The following WDFY2 variants were observed in gnomAD, a reference collection of about 807,000 sequenced individuals.
The protein encoded by WDFY2 is WD repeat and FYVE domain containing 2.
A neutral mutation model predicts 56.4 loss-of-function variants in WDFY2; 36 were observed. That is an observed-to-expected ratio of 0.64 (90% CI 0.49 to 0.84). The LOEUF (loss-of-function observed/expected upper bound fraction) is 0.84. Among genes scored for constraint, WDFY2 ranks in the 40% least tolerant of loss-of-function variants. WDFY2 has a pLI of 0.00. For missense variants in WDFY2, 444 were observed against 512.2 expected (o/e 0.87, Z 1.29); for synonymous variants, 176 against 183.7 (o/e 0.96, Z 0.34).
At chr13:51,749,455 A>G (rs1953177438) in intron 7 of WDFY2, among the ~76,000 whole-genome samples, 1 of 152,188 alleles carries the variant, frequency 6.6e-6, no homozygotes, top group Non-Finnish European at 1.5e-5. Flanking sequence ...ATAATAATTA[A>G]CCAGAGAAAC....
chr13:51,679,597 G>A (rs987101607), intron 3 of WDFY2, among the ~76,000 whole-genome samples: 2 of 152,222 alleles, frequency 1.3e-5, no homozygotes, highest in African/African-American at 4.8e-5. Context: ...GGTAGTTCTT[G>A]TGATTGTGAT....
intron 3 of WDFY2, among the ~76,000 whole-genome samples, chr13:51,697,822 A>G (rs1951907175): frequency 6.6e-6 from 1 of 152,232 alleles, no homozygotes; most frequent in Admixed American, 6.5e-5. Flanking sequence ...TAGTACTACT[A>G]TTCCAATTGT....
Position 51,754,159 on chromosome 13 carries a change from C to T in WDFY2, c.832-1199C>T, listed in dbSNP as rs573749048. On this transcript the variant is annotated intron_variant, in intron 8 of 11. Transcript: ENST00000298125. ...AGTCTGGTTCTATTTCCAACTTTTG[C>T]CATTGAACCCTTTTGAGCTCTCCCA... Among the ~76,000 whole-genome samples the T allele has an allele frequency of 2.6e-5, 4 of 151,900 alleles. No individual in the cohort carries two copies. In the South Asian group the frequency reaches 8.3e-4, roughly 32 times the overall value.
chr13:51,607,985 G>T (rs1357383628), intron 1 of WDFY2, among the ~76,000 whole-genome samples: 1 of 151,436 alleles, frequency 6.6e-6, no homozygotes, highest in Non-Finnish European at 1.5e-5. Flanking sequence ...GTGTAGATTG[G>T]AGTGATGTGG....
intron 3 of WDFY2, among the ~76,000 whole-genome samples, chr13:51,696,713 A>G (rs1163455201): frequency 5.3e-5 from 8 of 152,238 alleles, no homozygotes. Flanking sequence ...ACATGTAAGT[A>G]AAGCCTTAAA....
intron 3 of WDFY2, among the ~76,000 whole-genome samples, chr13:51,689,228 T>G (rs1269543668): frequency 6.6e-6 from 1 of 151,094 alleles, no homozygotes; most frequent in Non-Finnish European, 1.5e-5. Flanking sequence ...GAACCGGGGG[T>G]GGGAGGGCAC....
At chr13:51,727,846 T>G in intron 6 of WDFY2, 56 bp downstream of exon 6, 1 of 1,505,318 alleles carries the variant, frequency 6.6e-7, no homozygotes, top group African/African-American at 1.4e-5. Context: ...TATCGCCTGC[T>G]GCATCTCCTG....
At chr13:51,671,944 C>T (rs147690821) in intron 2 of WDFY2, among the ~76,000 whole-genome samples, 178 of 151,874 alleles carry the variant, frequency 1.2e-3, no homozygotes, top group African/African-American at 4.2e-3. Context: ...CCGTCACACC[C>T]GCCTAATTTT....
rs981493337 is a variant in WDFY2, at chr13:51,761,338, A to C, written c.*1569A>C. ...GCTCAGGATATTGAAGTCCCTTTTA[A>C]AAATCTTATTTTCACCTGTAAAAAT... On this transcript the variant is annotated 3_prime_UTR_variant, in exon 12 of 12. Transcript: ENST00000298125. 6.6e-6 allele frequency: 1 copy of C among 152,224 alleles called. No individual in the cohort carries two copies. The highest frequency in any genetic ancestry group is 6.5e-5 in the Admixed American group (1 of 15,284). 9.4% of individuals were successfully genotyped at this position (152,224 alleles called of 1,614,324 possible).
chr13:51,684,710 C>G (rs1274438408), intron 3 of WDFY2, among the ~76,000 whole-genome samples: 2 of 152,174 alleles, frequency 1.3e-5, no homozygotes, highest in Non-Finnish European at 2.9e-5. Context: ...CATTTTCCCT[C>G]TAACCTCACG....
At chr13:51,607,268 A>G (rs1397583378) in intron 1 of WDFY2, among the ~76,000 whole-genome samples, 1 of 152,220 alleles carries the variant, frequency 6.6e-6, no homozygotes, top group African/African-American at 2.4e-5. Flanking sequence ...GGTAGCTGGC[A>G]TGGCCATAGT....
At chr13:51,711,955 T>A (rs7988297) in intron 4 of WDFY2, among the ~76,000 whole-genome samples, 69,236 of 151,942 alleles carry the variant, frequency 0.46, 15,968 homozygotes, top group Admixed American at 0.54. Flanking sequence ...TACCCAAAGG[T>A]TTATAAATCA....
intron 4 of WDFY2, among the ~76,000 whole-genome samples, chr13:51,713,191 T>C (rs888799947): frequency 5.9e-5 from 9 of 152,220 alleles, no homozygotes; most frequent in Non-Finnish European, 8.8e-5. Context: ...CTATAGGCCA[T>C]CATTCTTTAT....
chr13:51,662,191 G>A (rs1230227586), intron 2 of WDFY2, among the ~76,000 whole-genome samples: 2 of 152,014 alleles, frequency 1.3e-5, no homozygotes, highest in Admixed American at 1.3e-4. Context: ...GGCTGGTTTC[G>A]AACTCCTGAC....
Position 51,765,986 on chromosome 13 carries a change from CG to C in WDFY2, c.*6221del, listed in dbSNP as rs1455911683. The C allele has an allele frequency of 1.3e-5, 2 of 151,576 alleles. No homozygotes were observed. The highest frequency in any genetic ancestry group is 4.9e-5 in the African/African-American group (2 of 41,230). The allele number at this position is 151,576 out of a possible 1,614,324, so 9.4% of individuals were successfully genotyped here. ...TATGATTCTTTTTTCCCTTGGTTCT[CG>C]GGGATGCATGAGAAGGTGAGCTGTC... On this transcript the variant is annotated 3_prime_UTR_variant, in exon 12 of 12. Coordinates refer to ENST00000298125, the MANE Select transcript of WDFY2 (RefSeq NM_052950.4).
intron 7 of WDFY2, among the ~76,000 whole-genome samples, chr13:51,739,995 G>T (rs1405621107): frequency 3.3e-5 from 5 of 152,184 alleles, no homozygotes; most frequent in African/African-American, 1.2e-4. Context: ...TTTTCAAAAT[G>T]ATATTGAGCA....
chr13:51,585,015 A>T (rs1953909479), intron 1 of WDFY2, among the ~76,000 whole-genome samples, 191 bp downstream of exon 1: 1 of 152,000 alleles, frequency 6.6e-6, no homozygotes, highest in South Asian at 2.1e-4. Context: ...CGGGAAGCGG[A>T]GCCGGGACGG....
At chr13:51,691,221 T>C (rs887600842) in intron 3 of WDFY2, among the ~76,000 whole-genome samples, 4 of 152,126 alleles carry the variant, frequency 2.6e-5, no homozygotes, top group African/African-American at 9.7e-5. Flanking sequence ...TTTGTCAATT[T>C]TGTCTTTTGT....
intron 3 of WDFY2, among the ~76,000 whole-genome samples, chr13:51,699,005 A>G (rs1221136437): frequency 6.6e-6 from 1 of 152,196 alleles, no homozygotes; most frequent in Admixed American, 6.5e-5. Flanking sequence ...CCTGGACCAC[A>G]TCATATATAC....
Sources: gnomAD v4.1 joint callset for allele counts (sites outside exome capture counted in the v4.1 genomes callset) on GRCh38, gnomAD v4.1.1 for gene constraint, MANE v1.5 for transcripts, NCBI Gene and HGNC (gene_info 2026-07-23, HGNC 2026-07-21) for gene names.